Variants in ETS1 observed in about 807,000 individuals in gnomAD.
ETS1 encodes the protein ETS proto-oncogene 1, transcription factor.
A neutral mutation model predicts 58.6 loss-of-function variants in ETS1; 15 were observed. The ratio of observed to expected loss-of-function variants is 0.26; its 90% CI spans 0.17 to 0.39. ETS1 has a LOEUF of 0.39. ETS1 is among the 10% of genes least tolerant of loss of function. The pLI is 1.00. For synonymous variants in ETS1, 214 were observed against 218.2 expected, an observed-to-expected ratio of 0.98 and a Z score of 0.17; for missense variants, 417 against 610.5, an observed-to-expected ratio of 0.68 and a Z score of 3.34.
At chr11:128,497,598 C>A (rs925537128) in intron 3 of ETS1, 9 of 984,824 alleles carry the variant, frequency 9.1e-6, no homozygotes, top group Non-Finnish European at 1.1e-5. Context: ...TTCCAATGAG[C>A]CCTTGACCAT....
At chr11:128,570,825 C>G (rs1864611579) in intron 2 of ETS1, among the ~76,000 whole-genome samples, 1 of 152,228 alleles carries the variant, frequency 6.6e-6, no homozygotes, top group African/African-American at 2.4e-5. Context: ...TGATCTTAAA[C>G]TGCAAGTCCT....
At chr11:128,513,858 C>A (rs1390724862) in intron 3 of ETS1, among the ~76,000 whole-genome samples, 1 of 152,098 alleles carries the variant, frequency 6.6e-6, no homozygotes, top group Non-Finnish European at 1.5e-5. Flanking sequence ...TTAAGACCAG[C>A]CTGGGCAACA....
chr11:128,468,903 C>T (rs1013125228), intron 8 of ETS1, among the ~76,000 whole-genome samples: 2 of 152,214 alleles, frequency 1.3e-5, no homozygotes, highest in African/African-American at 4.8e-5. Flanking sequence ...TCCCTGAGAA[C>T]ACAGACTATA....
chr11:128,559,536 C>T (rs1864371541), intron 2 of ETS1, among the ~76,000 whole-genome samples: 2 of 152,048 alleles, frequency 1.3e-5, no homozygotes, highest in African/African-American at 4.8e-5. Flanking sequence ...GGCATAGTTC[C>T]TCTGTAACTG....
intron 3 of ETS1, among the ~76,000 whole-genome samples, chr11:128,541,995 C>T (rs1322242588): frequency 6.6e-6 from 1 of 152,038 alleles, no homozygotes; most frequent in East Asian, 1.9e-4. Flanking sequence ...ATAGAGTGGC[C>T]ATCTGCTGCT....
chr11:128,478,385 AAGGG>A (rs1440442633), intron 8 of ETS1, among the ~76,000 whole-genome samples: 1 of 90,424 alleles, frequency 1.1e-5, no homozygotes, highest in Non-Finnish European at 2.1e-5. Flanking sequence ...GGGAGGGAGG[AAGGG>A]AGGGAGGGAG....
At chr11:128,496,080 AT>A (rs375969070) in intron 3 of ETS1, among the ~76,000 whole-genome samples, 2 of 152,102 alleles carry the variant, frequency 1.3e-5, no homozygotes, top group Non-Finnish European at 1.5e-5. Flanking sequence ...TCACAAGGAT[AT>A]TTTTTAGATA....
At chr11:128,565,478 A>G (rs139922867) in intron 2 of ETS1, among the ~76,000 whole-genome samples, 1 of 152,204 alleles carries the variant, frequency 6.6e-6, no homozygotes, top group African/African-American at 2.4e-5. Flanking sequence ...CAGGAGTGCT[A>G]TAACAAAATA....
chr11:128,501,072 A>G (rs1041890458), intron 3 of ETS1, among the ~76,000 whole-genome samples: 8 of 152,160 alleles, frequency 5.3e-5, no homozygotes, highest in African/African-American at 1.9e-4. Context: ...ATTTGTCCTT[A>G]TCTGGCAGCT....
chr11:128,462,144 C>G lies in ETS1; in HGVS notation c.*217G>C. 1.9e-6 allele frequency: 1 copy of G among 518,070 alleles called. No homozygotes were observed. Among genetic ancestry groups the G allele is most frequent in the Non-Finnish European group, 3.4e-6 (1 of 289,950 alleles). 32.1% of individuals were successfully genotyped at this position (518,070 alleles called of 1,614,324 possible). On this transcript the variant is annotated 3_prime_UTR_variant, in exon 10 of 10. Coordinates refer to ENST00000392668, the MANE Select transcript of ETS1 (RefSeq NM_001143820.2). ...CTTCTCCCTCTCCTGAAAATTTGCT[C>G]AAGAATTTCTGGTCCCACCCACCCC...
chr11:128,511,851 G>C (rs539324202), intron 3 of ETS1, among the ~76,000 whole-genome samples: 2 of 152,332 alleles, frequency 1.3e-5, no homozygotes, highest in South Asian at 4.1e-4. Flanking sequence ...CCGCTTATTT[G>C]CCCTGGAACC....
chr11:128,504,760 C>T (rs1041443068), intron 3 of ETS1, among the ~76,000 whole-genome samples: 3 of 152,098 alleles, frequency 2.0e-5, no homozygotes, highest in African/African-American at 7.2e-5. Context: ...AGGCTTTCTC[C>T]TATATCTTCA....
chr11:128,503,451 C>A (rs549590390), intron 3 of ETS1, among the ~76,000 whole-genome samples: 1 of 152,104 alleles, frequency 6.6e-6, no homozygotes, highest in Admixed American at 6.5e-5. Flanking sequence ...CTGGAGGGTG[C>A]GCTCATAAAC....
chr11:128,522,902 G>C (rs1023884942), intron 3 of ETS1, among the ~76,000 whole-genome samples: 1 of 152,132 alleles, frequency 6.6e-6, no homozygotes, highest in African/African-American at 2.4e-5. Context: ...GTCAGGGCGT[G>C]TGTTTCTGAA....
chr11:128,558,064 C>G (rs1339303727), intron 2 of ETS1, among the ~76,000 whole-genome samples: 2 of 152,128 alleles, frequency 1.3e-5, no homozygotes, highest in East Asian at 1.9e-4. Flanking sequence ...TGATATTGGA[C>G]CTGGTGTTCT....
chr11:128,534,283 C>A (rs1476919758), intron 3 of ETS1, among the ~76,000 whole-genome samples: 1 of 152,170 alleles, frequency 6.6e-6, no homozygotes, highest in East Asian at 1.9e-4. Context: ...TAGGAAGACT[C>A]ACCAGTCTTC....
At chr11:128,465,768 G>A (rs1036849568) in intron 8 of ETS1, among the ~76,000 whole-genome samples, 14 of 151,730 alleles carry the variant, frequency 9.2e-5, no homozygotes, top group African/African-American at 3.4e-4. Context: ...CTACGCCGCA[G>A]ACACTGTGAG....
At chr11:128,529,754 C>T (rs1389826029) in intron 3 of ETS1, among the ~76,000 whole-genome samples, 2 of 152,156 alleles carry the variant, frequency 1.3e-5, no homozygotes, top group Admixed American at 1.3e-4. Flanking sequence ...TATGTCACTG[C>T]AGTCATCCAC....
chr11:128,512,824 C>G (rs973129447), intron 3 of ETS1, among the ~76,000 whole-genome samples: 1 of 152,266 alleles, frequency 6.6e-6, no homozygotes, highest in African/African-American at 2.4e-5. Flanking sequence ...CTGACCAGAG[C>G]AGCCTATCAA....
Sources: allele counts gnomAD v4.1 joint callset (sites outside exome capture counted in the v4.1 genomes callset), GRCh38; gene constraint gnomAD v4.1.1; transcripts MANE v1.5; gene names NCBI Gene and HGNC (gene_info 2026-07-23, HGNC 2026-07-21).